Variants in LRRIQ1 observed in about 807,000 individuals in gnomAD.
LRRIQ1 encodes the protein leucine rich repeats and IQ motif containing 1, also known as leucine-rich repeat- and IQ domain-containing protein 1.
Under a neutral mutation model 211.9 loss-of-function variants are expected in LRRIQ1, and 210 were observed. The observed-to-expected ratio is 0.99, with a 90% confidence interval of 0.89 to 1.11. The LOEUF is 1.11. Ranked by LOEUF, LRRIQ1 falls within the 50% of genes most tolerant of loss-of-function variation. The probability of loss-of-function intolerance (pLI) is 0.00; values close to 1 mark genes in which losing one functional copy is unlikely to be tolerated. For synonymous variants in LRRIQ1, 699 were observed against 650.1 expected, an observed-to-expected ratio of 1.08 and a Z score of -1.14; for missense variants, 2,136 against 1,939.5, an observed-to-expected ratio of 1.10 and a Z score of -1.90.
rs566331710 is a variant in LRRIQ1, at chr12:85,164,136, G to A, written c.4822+3422G>A. Among the ~76,000 whole-genome samples the A allele has an allele frequency of 2.0e-5, 3 of 152,158 alleles. 1 individual carries two copies. Among genetic ancestry groups the A allele is most frequent in the African/African-American group, 4.8e-5 (2 of 41,536 alleles). ...TACTTGGATTTCAATATCCTATATT[G>A]TCTTAGAACTCAAAACAATTTCTTG... On this transcript the variant is annotated intron_variant, in intron 24 of 26. Coordinates refer to ENST00000393217, the MANE Select transcript of LRRIQ1 (RefSeq NM_001079910.2).
chr12:85,242,174 A>G (rs1197809822), intron 26 of LRRIQ1, among the ~76,000 whole-genome samples: 1 of 152,020 alleles, frequency 6.6e-6, no homozygotes, highest in Non-Finnish European at 1.5e-5. Context: ...TTATTATATT[A>G]TAACCATAAA....
chr12:85,234,047 A>G (rs1231875815), intron 26 of LRRIQ1, among the ~76,000 whole-genome samples: 1 of 151,698 alleles, frequency 6.6e-6, no homozygotes, highest in Non-Finnish European at 1.5e-5. Flanking sequence ...TCTGGGTAAC[A>G]TGGCAAAACC....
chr12:85,043,463 C>T (rs192313126), intron 3 of LRRIQ1, among the ~76,000 whole-genome samples: 2 of 152,198 alleles, frequency 1.3e-5, no homozygotes, highest in Non-Finnish European at 2.9e-5. Flanking sequence ...AAGTGTTCTA[C>T]AGCAAAATAC....
intron 24 of LRRIQ1, among the ~76,000 whole-genome samples, chr12:85,198,977 G>C (rs1565899631): frequency 6.6e-6 from 1 of 152,114 alleles, no homozygotes; most frequent in Non-Finnish European, 1.5e-5. Flanking sequence ...TTTTGTTCTT[G>C]TAAATTTAAG....
chr12:85,108,243 T>A (rs1308323274), intron 15 of LRRIQ1, among the ~76,000 whole-genome samples: 2 of 152,328 alleles, frequency 1.3e-5, no homozygotes, highest in Admixed American at 1.3e-4. Context: ...TCTGTTAGAA[T>A]GGTCCAAAGA....
intron 24 of LRRIQ1, among the ~76,000 whole-genome samples, chr12:85,224,978 A>G (rs377025415): frequency 6.6e-5 from 10 of 152,244 alleles, no homozygotes; most frequent in East Asian, 5.8e-4. Context: ...TATTACATAT[A>G]ATACATTTAT....
intron 13 of LRRIQ1, among the ~76,000 whole-genome samples, chr12:85,102,314 T>C (rs1886407764): frequency 6.6e-6 from 1 of 151,660 alleles, no homozygotes; most frequent in Non-Finnish European, 1.5e-5. Context: ...TTTACTTCAA[T>C]ATCAATGTGA....
intron 24 of LRRIQ1, among the ~76,000 whole-genome samples, chr12:85,180,261 C>T (rs140902750): frequency 2.6e-5 from 4 of 151,824 alleles, no homozygotes; most frequent in Non-Finnish European, 5.9e-5. Context: ...TAACCATTGT[C>T]CCTTCATTTT....
chr12:85,170,672 A>G (rs902526634), intron 24 of LRRIQ1, among the ~76,000 whole-genome samples: 2 of 151,844 alleles, frequency 1.3e-5, no homozygotes, highest in Non-Finnish European at 2.9e-5. Context: ...TTAAAAAAAA[A>G]GAGGACTTCC....
At chr12:85,044,600 C>G in intron 3 of LRRIQ1, 118 bp from the exon 4 acceptor site, 1 of 431,114 alleles carries the variant, frequency 2.3e-6, no homozygotes, top group Non-Finnish European at 4.3e-6. Flanking sequence ...GTTACTCTTA[C>G]TGATCAACAA....
At position 85,056,582 on chromosome 12, in the gene LRRIQ1, T is replaced by C; in HGVS notation, c.1789T>C (p.Leu597=). 1 of 1,598,050 alleles carries C rather than the reference T, an allele frequency of 6.3e-7. No homozygotes were observed. Reference sequence around the variant, plus strand: ...AGAAGAGATACAAGAACAGAATGGATTATTATATAAAGATAAGGATACTTT... The same window carrying C: ...AGAAGAGATACAAGAACAGAATGGACTATTATATAAAGATAAGGATACTTT... ...EKEEIQEQNG[L]LYKDKDTLVI... is the part of the protein sequence containing the mutation. Residue 597 remains leucine, a synonymous_variant, in exon 8 of 27, where the codon TTA becomes CTA. Coordinates refer to ENST00000393217, the MANE Select transcript of LRRIQ1 (RefSeq NM_001079910.2).
chr12:85,243,797 T>C (rs1320342623), intron 26 of LRRIQ1, among the ~76,000 whole-genome samples: 1 of 151,638 alleles, frequency 6.6e-6, no homozygotes, highest in East Asian at 1.9e-4. Context: ...GATGTAAAGG[T>C]GAAGGGCAAA....
rs28496053 is a variant in LRRIQ1, at chr12:85,087,362, G to A, written c.2888-10993G>A. Among the ~76,000 whole-genome samples, 1,153 of 152,224 alleles carry A rather than the reference G, an allele frequency of 7.6e-3. 19 individuals are homozygous for A. Among genetic ancestry groups the A allele is most frequent in the African/African-American group, 0.026 (1,085 of 41,524 alleles). ...CTATCATTGATAGACATTTGGGTTG[G>A]TTCCAAGTCTTTGCTATTGTGAATA... On this transcript the variant is annotated intron_variant, in intron 11 of 26. Coordinates refer to ENST00000393217, the MANE Select transcript of LRRIQ1 (RefSeq NM_001079910.2).
intron 1 of LRRIQ1, among the ~76,000 whole-genome samples, chr12:85,252,899 A>T (rs1895989354): frequency 6.6e-6 from 1 of 151,974 alleles, no homozygotes; most frequent in Admixed American, 6.6e-5. Context: ...ATAATTTCAA[A>T]TTTAATTTAA....
intron 24 of LRRIQ1, among the ~76,000 whole-genome samples, chr12:85,216,953 G>T (rs1374394732): frequency 6.6e-6 from 1 of 151,926 alleles, no homozygotes; most frequent in African/African-American, 2.4e-5. Context: ...GCTTAATATT[G>T]TTGCTTATGG....
chr12:85,064,619 C>G lies in LRRIQ1; in HGVS notation c.2392-643C>G, dbSNP rs558365184. ...CCAGTCCTGTGTCCTGGAGAGTTTCCCCAATTAAAAAAATATATTATCAGT... is the reference window on the plus strand; with the variant it reads ...CCAGTCCTGTGTCCTGGAGAGTTTCGCCAATTAAAAAAATATATTATCAGT... On this transcript the variant is annotated intron_variant, in intron 8 of 26. Transcript: ENST00000393217. 9.9e-5 allele frequency among the ~76,000 whole-genome samples: 15 copies of G among 151,444 alleles called. 1 individual carries two copies. The highest frequency in any genetic ancestry group is 3.6e-4 in the African/African-American group (15 of 41,352).
Position 85,057,037 on chromosome 12 carries a change from A to G in LRRIQ1, c.2244A>G (p.Ser748=), listed in dbSNP as rs375258913. Residue 748 remains serine, a synonymous_variant, in exon 8 of 27, where the codon TCA becomes TCG. Coordinates refer to ENST00000393217, the MANE Select transcript of LRRIQ1 (RefSeq NM_001079910.2). ...AAAGGAGACTAGCCTGGATAAAATC[A>G]TTTAAACCTTGGCTTGAAATTTTCA... ...IEERRLAWIK[S]FKPWLEIFKQ... is the part of the protein sequence containing the mutation. The G allele has an allele frequency of 5.6e-6, 9 of 1,608,696 alleles. No individual in the cohort carries two copies. The highest frequency in any genetic ancestry group is 6.8e-6 in the Non-Finnish European group (8 of 1,178,306).
At chr12:85,158,238 T>TAA (rs947696223) in intron 23 of LRRIQ1, among the ~76,000 whole-genome samples, 2 of 143,742 alleles carry the variant, frequency 1.4e-5, no homozygotes, top group Admixed American at 7.0e-5. Flanking sequence ...GTCAATTGAC[T>TAA]AAAAAAAAAA....
intron 23 of LRRIQ1, among the ~76,000 whole-genome samples, chr12:85,156,038 T>C (rs1408256531): frequency 6.6e-6 from 1 of 151,712 alleles, no homozygotes; most frequent in Non-Finnish European, 1.5e-5. Flanking sequence ...TCCAGCTTAA[T>C]GACCACATCT....
Sources: allele counts gnomAD v4.1 joint callset (sites outside exome capture counted in the v4.1 genomes callset), GRCh38; gene constraint gnomAD v4.1.1; transcripts MANE v1.5; gene names NCBI Gene and HGNC (gene_info 2026-07-23, HGNC 2026-07-21).